The following NDRG1 variants were observed in gnomAD, a reference collection of about 807,000 sequenced individuals.
NDRG1 encodes protein NDRG1.
In NDRG1, 32 loss-of-function variants were observed where a neutral mutation model predicts 56.9. The observed-to-expected ratio is 0.56, with a 90% CI of 0.42 to 0.76. NDRG1 has a LOEUF of 0.76. Among genes scored for constraint, NDRG1 ranks in the 30% least tolerant of loss-of-function variants. NDRG1 has a pLI of 0.00. For synonymous variants in NDRG1, 211 were observed against 204.1 expected (o/e 1.03, Z -0.29); for missense variants, 507 against 545.7 (o/e 0.93, Z 0.71).
intron 4 of NDRG1, 54 bp from the exon 5 acceptor site, chr8:133,262,221 T>C: frequency 6.2e-7 from 1 of 1,606,292 alleles, no homozygotes; most frequent in Non-Finnish European, 8.5e-7. Flanking sequence ...AGAAAAAAAT[T>C]AGGTGTCTCG....
intron 10 of NDRG1, 22 bp downstream of exon 10, chr8:133,250,418 T>C: frequency 6.3e-7 from 1 of 1,594,424 alleles, no homozygotes; most frequent in Non-Finnish European, 8.6e-7. Flanking sequence ...AGCAATGATG[T>C]GGCTGAACTA....
At chr8:133,248,334 C>A (rs1185035968) in intron 11 of NDRG1, among the ~76,000 whole-genome samples, 2 of 152,190 alleles carry the variant, frequency 1.3e-5, no homozygotes, top group Non-Finnish European at 2.9e-5. Context: ...CCAGTTAGTT[C>A]TGTCCATGAC....
chr8:133,251,592 C>A (rs1856048954), intron 9 of NDRG1, among the ~76,000 whole-genome samples: 1 of 152,206 alleles, frequency 6.6e-6, no homozygotes, highest in Non-Finnish European at 1.5e-5. Flanking sequence ...GAGACAGTGG[C>A]TGTGAATTTT....
At chr8:133,293,263 A>T (rs758286165) in intron 1 of NDRG1, among the ~76,000 whole-genome samples, 2 of 152,216 alleles carry the variant, frequency 1.3e-5, no homozygotes, top group Non-Finnish European at 2.9e-5. Flanking sequence ...GTTGAAAGAT[A>T]AAAAGCAAGT....
intron 9 of NDRG1, among the ~76,000 whole-genome samples, chr8:133,252,983 A>G (rs1202995666): frequency 1.3e-5 from 2 of 152,162 alleles, no homozygotes; most frequent in African/African-American, 4.8e-5. Flanking sequence ...TCCAGAGTGG[A>G]GGCTGTGTCC....
chr8:133,247,450 G>T (rs1289539238), intron 12 of NDRG1, among the ~76,000 whole-genome samples: 1 of 152,232 alleles, frequency 6.6e-6, no homozygotes, highest in Non-Finnish European at 1.5e-5. Flanking sequence ...TTGCAGGTGG[G>T]AGTTAAGGGG....
chr8:133,288,617 A>G (rs1858261564), intron 1 of NDRG1, among the ~76,000 whole-genome samples: 1 of 152,190 alleles, frequency 6.6e-6, no homozygotes, highest in Non-Finnish European at 1.5e-5. Flanking sequence ...TGCCTCATGC[A>G]AAGTCCTAAT....
chr8:133,246,686 G>A (rs754614617), intron 12 of NDRG1, 23 bp from the exon 13 acceptor site: 3 of 1,613,650 alleles, frequency 1.9e-6, no homozygotes, highest in East Asian at 2.2e-5. Flanking sequence ...GAGGAAATCT[G>A]TTAATTTTCT....
chr8:133,239,661 C>T (rs897861439), intron 15 of NDRG1: 2 of 176,124 alleles, frequency 1.1e-5, no homozygotes, highest in Admixed American at 5.4e-5. Flanking sequence ...CTAACAAGGG[C>T]GCTGTCTATT....
At chr8:133,259,145 A>G (rs1225236990) in intron 6 of NDRG1, 23 bp downstream of exon 6, 1 of 1,611,926 alleles carries the variant, frequency 6.2e-7, no homozygotes, top group Non-Finnish European at 8.5e-7. Flanking sequence ...CAGACAGAGA[A>G]GGAGCTGATC....
intron 3 of NDRG1, among the ~76,000 whole-genome samples, chr8:133,275,993 T>C (rs1473144069): frequency 6.6e-6 from 1 of 152,202 alleles, no homozygotes; most frequent in African/African-American, 2.4e-5. Flanking sequence ...CCTAAACTAA[T>C]GCCAGGCACA....
At position 133,280,257 on chromosome 8, in the gene NDRG1, C is replaced by A. The variant is rs1242048407; in HGVS notation, c.74G>T (p.Gly25Val). Reference protein sequence around the residue: ...PLVEKGETITGLLQEFDVQEQ... With the variant: ...PLVEKGETITVLLQEFDVQEQ... The stretch of plus-strand genomic sequence containing the variant: ...CTGGACATCAAACTCTTGCAGGAGG[C>A]CGGTGATGGTCTGTGAAAAGACAAA... The change falls in exon 3 of 16, where the codon GGC (glycine) becomes GTC (valine). Residue 25 changes from glycine (G) to valine (V), a missense_variant. Transcript: ENST00000323851. The A allele has an allele frequency of 1.2e-6, 2 of 1,614,056 alleles. No homozygotes were observed. Among genetic ancestry groups the A allele is most frequent in the Non-Finnish European group, 1.7e-6 (2 of 1,179,968 alleles).
intron 9 of NDRG1, among the ~76,000 whole-genome samples, chr8:133,253,378 C>T (rs1345319981): frequency 1.3e-5 from 2 of 152,248 alleles, no homozygotes; most frequent in African/African-American, 4.8e-5. Context: ...ACCGGCCCCA[C>T]CTCTCCCTGG....
At chr8:133,255,804 C>A (rs1443280784) in intron 8 of NDRG1, 1 of 163,834 alleles carries the variant, frequency 6.1e-6, no homozygotes, top group Non-Finnish European at 1.3e-5. Context: ...GAATGAGAAG[C>A]TGCGATCACC....
At chr8:133,286,707 A>AG (rs1051459514) in intron 1 of NDRG1, among the ~76,000 whole-genome samples, 1 of 152,126 alleles carries the variant, frequency 6.6e-6, no homozygotes, top group Non-Finnish European at 1.5e-5. Context: ...TATCTAAACT[A>AG]GGGGGGATTT....
chr8:133,276,896 A>G (rs904633208), intron 3 of NDRG1, among the ~76,000 whole-genome samples: 1 of 152,262 alleles, frequency 6.6e-6, no homozygotes, highest in Admixed American at 6.5e-5. Context: ...ACATGTTCAC[A>G]GCAGCAGTAT....
At chr8:133,287,935 G>A (rs567696833) in intron 1 of NDRG1, among the ~76,000 whole-genome samples, 2 of 147,038 alleles carry the variant, frequency 1.4e-5, no homozygotes, top group East Asian at 3.9e-4. Flanking sequence ...TAGTGCATGC[G>A]TGCACACACG....
At chr8:133,275,310 G>C (rs1391546713) in intron 3 of NDRG1, among the ~76,000 whole-genome samples, 1 of 152,138 alleles carries the variant, frequency 6.6e-6, no homozygotes, top group Non-Finnish European at 1.5e-5. Context: ...ATTTTCTTTT[G>C]GTAACAACCT....
chr8:133,243,874 G>A lies in NDRG1; in HGVS notation c.891+481C>T, dbSNP rs146750842. Among the ~76,000 whole-genome samples the A allele has an allele frequency of 6.3e-3, 963 of 152,236 alleles. 10 individuals carry two copies. The highest frequency in any genetic ancestry group is 8.1e-3 in the African/African-American group (336 of 41,556). The stretch of plus-strand genomic sequence containing the variant: ...ATCAGTTACGTAGCAAACACATTAC[G>A]TTGATCAATGTGTTTATTTGTACAT... On this transcript the variant is annotated intron_variant, in intron 14 of 15. Transcript: ENST00000323851.
Sources: allele counts gnomAD v4.1 joint callset (sites outside exome capture counted in the v4.1 genomes callset), GRCh38; gene constraint gnomAD v4.1.1; transcripts MANE v1.5; gene names NCBI Gene and HGNC (gene_info 2026-07-23, HGNC 2026-07-21).